Variants in UGGT2 observed in about 807,000 individuals in gnomAD.
UGGT2 encodes the protein UDP-glucose:glycoprotein glucosyltransferase 2.
A neutral mutation model predicts 192.1 loss-of-function variants in UGGT2; 180 were observed. That is an observed-to-expected ratio of 0.94 (90% CI 0.83 to 1.06). The LOEUF is 1.06. UGGT2 is among the 50% of genes least tolerant of loss of function. The pLI, the probability that UGGT2 is intolerant of heterozygous loss-of-function variation, is 0.00. For missense variants in UGGT2, 1,849 were observed against 1,795.7 expected, an observed-to-expected ratio of 1.03 and a Z score of -0.54; for synonymous variants, 580 against 591.0, an observed-to-expected ratio of 0.98 and a Z score of 0.27.
At chr13:95,950,309 C>T (rs1284387655) in intron 12 of UGGT2, among the ~76,000 whole-genome samples, 1 of 152,066 alleles carries the variant, frequency 6.6e-6, no homozygotes, top group African/African-American at 2.4e-5. Flanking sequence ...TAAAATAGTA[C>T]TGAGAAGACA....
chr13:95,985,830 T>C (rs2051273196), intron 9 of UGGT2, among the ~76,000 whole-genome samples: 1 of 152,140 alleles, frequency 6.6e-6, no homozygotes, highest in South Asian at 2.1e-4. Flanking sequence ...AACATCAGTA[T>C]TCATGGAAGC....
intron 38 of UGGT2, among the ~76,000 whole-genome samples, chr13:95,803,652 T>C (rs1434710638): frequency 1.3e-5 from 2 of 152,132 alleles, no homozygotes; most frequent in Non-Finnish European, 2.9e-5. Context: ...TTTGATCTGT[T>C]CCATGACCAT....
Position 95,932,891 on chromosome 13 carries a change from C to A in UGGT2, c.1977+4033G>T, listed in dbSNP as rs2049335630. On this transcript the variant is annotated intron_variant, in intron 17 of 38. Coordinates refer to ENST00000376747, the MANE Select transcript of UGGT2 (RefSeq NM_020121.4). ...CTGTGTATGTGGTGAATGACATTTA[C>A]TGATTTGTTAATGTTGAACCAACCT... is the stretch of plus-strand genomic sequence containing the variant. Among the ~76,000 whole-genome samples, 4 of 152,184 alleles carry A rather than the reference C, an allele frequency of 2.6e-5. No individual in the cohort carries two copies. In the South Asian group the frequency reaches 8.3e-4, roughly 32 times the overall value.
chr13:95,995,611 A>C (rs888503118), intron 7 of UGGT2, among the ~76,000 whole-genome samples: 15 of 149,766 alleles, frequency 1.0e-4, no homozygotes, highest in African/African-American at 3.7e-4. Context: ...ACTGGTACAC[A>C]AAAAAAAAAT....
At chr13:95,843,354 C>G (rs190681021) in intron 36 of UGGT2, among the ~76,000 whole-genome samples, 2 of 152,058 alleles carry the variant, frequency 1.3e-5, no homozygotes. Flanking sequence ...TTTGCATTTC[C>G]CTAATCACTA....
rs2049983469 is a variant in UGGT2, at chr13:95,949,325, T to C, written c.1455+10A>G. ...AAGATATATATGTATAATCAAAATA[T>C]AAAACTCACCAAATTATGAAAATTG... On this transcript the variant is annotated intron_variant, in intron 13 of 38. Transcript: ENST00000376747. The C allele has an allele frequency of 6.6e-7, 1 of 1,524,280 alleles. No homozygotes were observed. Among genetic ancestry groups the C allele is most frequent in the African/African-American group, 1.4e-5 (1 of 71,402 alleles). 94.4% of individuals were successfully genotyped at this position (1,524,280 alleles called of 1,614,324 possible). A position where few individuals can be genotyped will look rare whatever the true frequency, so the allele number is the denominator to read the frequency against.
chr13:95,853,571 T>A lies in UGGT2; in HGVS notation c.4256A>T (p.Asp1419Val). 1.2e-6 allele frequency: 2 copies of A among 1,612,048 alleles called. No individual in the cohort carries two copies. The highest frequency in any genetic ancestry group is 8.5e-7 in the Non-Finnish European group (1 of 1,179,332). ...ATCTAGGTTTGAAAGACTGTTTGGA[T>A]CTTGACTGAGAGCTTGATACTGGCT... ...LRSQYQALSQ[D>V]PNSLSNLDQD... Residue 1419 changes from aspartate (D) to valine (V), a missense_variant, in exon 36 of 39, where the codon GAT becomes GTT. By Grantham distance (152) the Asp-to-Val change is radical (BLOSUM62 -3). Coordinates refer to ENST00000376747, the MANE Select transcript of UGGT2 (RefSeq NM_020121.4).
At chr13:95,913,163 A>C (rs1348497088) in intron 20 of UGGT2, among the ~76,000 whole-genome samples, 1 of 152,256 alleles carries the variant, frequency 6.6e-6, no homozygotes, top group Non-Finnish European at 1.5e-5. Context: ...AATACCATTT[A>C]GGACATAGGC....
intron 36 of UGGT2, among the ~76,000 whole-genome samples, chr13:95,847,289 T>C (rs528934366): frequency 7.3e-4 from 111 of 152,318 alleles, no homozygotes; most frequent in African/African-American, 2.5e-3. Context: ...TTGCAATACA[T>C]GAACCTACAT....
chr13:96,029,754 T>G (rs567124738), intron 2 of UGGT2, among the ~76,000 whole-genome samples: 1 of 152,318 alleles, frequency 6.6e-6, no homozygotes, highest in East Asian at 1.9e-4. Flanking sequence ...GTATAAAATA[T>G]GCTGATATAT....
intron 12 of UGGT2, among the ~76,000 whole-genome samples, chr13:95,955,629 T>C (rs2050190896): frequency 6.6e-6 from 1 of 150,998 alleles, no homozygotes; most frequent in Admixed American, 6.6e-5. Context: ...AGGAGAAATG[T>C]GCTCAGAGTT....
intron 25 of UGGT2, among the ~76,000 whole-genome samples, chr13:95,890,311 G>A (rs946321358): frequency 1.3e-5 from 2 of 152,162 alleles, no homozygotes; most frequent in African/African-American, 4.8e-5. Flanking sequence ...CACAGATGGA[G>A]TGGTTTAAAC....
chr13:95,837,004 C>T (rs1350926857), intron 37 of UGGT2, 82 bp downstream of exon 37: 3 of 1,067,610 alleles, frequency 2.8e-6, no homozygotes, highest in Non-Finnish European at 4.3e-6. Context: ...GTATGCCACT[C>T]CCTTTGTAAA....
intron 36 of UGGT2, among the ~76,000 whole-genome samples, chr13:95,841,816 T>A (rs986011758): frequency 1.3e-5 from 2 of 152,234 alleles, no homozygotes. Flanking sequence ...TTTTACGGTT[T>A]TAGTTCTTAC....
chr13:95,964,209 C>T (rs2050493628), intron 12 of UGGT2, among the ~76,000 whole-genome samples: 1 of 152,120 alleles, frequency 6.6e-6, no homozygotes, highest in Non-Finnish European at 1.5e-5. Context: ...CAAGAACATA[C>T]ATTTGGGAAA....
chr13:95,963,168 A>G (rs879371932), intron 12 of UGGT2, among the ~76,000 whole-genome samples: 1 of 152,160 alleles, frequency 6.6e-6, no homozygotes, highest in Non-Finnish European at 1.5e-5. Context: ...AAATACTAGT[A>G]AGCCAAATCC....
chr13:96,032,901 T>C (rs1451413293), intron 1 of UGGT2, among the ~76,000 whole-genome samples: 1 of 152,180 alleles, frequency 6.6e-6, no homozygotes, highest in Non-Finnish European at 1.5e-5. Flanking sequence ...CATAGGAATT[T>C]AGAGTAATAA....
At chr13:96,029,163 C>T (rs1594605525) in intron 2 of UGGT2, among the ~76,000 whole-genome samples, 1 of 152,118 alleles carries the variant, frequency 6.6e-6, no homozygotes, top group South Asian at 2.1e-4. Flanking sequence ...AAAAAAATCT[C>T]TGCTCATTAT....
intron 20 of UGGT2, among the ~76,000 whole-genome samples, chr13:95,917,589 A>G (rs1327644954): frequency 6.6e-6 from 1 of 152,216 alleles, no homozygotes; most frequent in African/African-American, 2.4e-5. Flanking sequence ...AAATGGGTTA[A>G]ATGCCCCAAT....
Sources: gnomAD v4.1 joint callset for allele counts (sites outside exome capture counted in the v4.1 genomes callset) on GRCh38, gnomAD v4.1.1 for gene constraint, MANE v1.5 for transcripts, NCBI Gene and HGNC (gene_info 2026-07-23, HGNC 2026-07-21) for gene names.